IL3RA: variants seen among roughly 807,000 people sequenced by gnomAD.
IL3RA encodes the protein interleukin 3 receptor subunit alpha, also known as interleukin-3 receptor subunit alpha.
IL3RA carries 73 observed loss-of-function variants against 52.3 expected under a neutral mutation model. The observed-to-expected ratio is 1.40, with a 90% confidence interval of 1.16 to 1.70. IL3RA has a LOEUF of 1.70. IL3RA is among the 40% of genes most tolerant of loss of function. The probability of loss-of-function intolerance (pLI) is 0.00; values close to 1 mark genes in which losing one functional copy is unlikely to be tolerated. For missense variants in IL3RA, 664 were observed against 504.4 expected (o/e 1.32, Z -3.03); for synonymous variants, 260 against 194.0 (o/e 1.34, Z -2.83).
At chrX:1,358,760 T>C (rs2086928239) in intron 7 of IL3RA, 101 bp from the exon 8 acceptor site, 1 of 1,312,638 alleles carries the variant, frequency 7.6e-7, no homozygotes, top group Non-Finnish European at 1.1e-6. Context: ...GAGCCCTCAC[T>C]GTTTTGCTGG....
In IL3RA at chrX:1,353,951, CCCCATCATGGGTCGTGGGACCCCCA is replaced by C. The variant is rs1276838053; in HGVS notation, c.616+1449_616+1473del. ...CCATCATGGGTCATGGGACCCCCCC[CCCCATCATGGGTCGTGGGACCCCCA>C]CCCCCATCATGGGTCATGGGAGCCC... is the stretch of plus-strand genomic sequence containing the variant. On this transcript the variant is annotated intron_variant, in intron 6 of 11. Transcript: ENST00000331035. 2.5e-3 allele frequency among the ~76,000 whole-genome samples: 184 copies of C among 74,648 alleles called. 18 individuals carry two copies. Among genetic ancestry groups the C allele is most frequent in the African/African-American group, 5.5e-3 (103 of 18,748 alleles). 49.0% of individuals were successfully genotyped at this position (74,648 alleles called of 152,430 possible). A position where few individuals can be genotyped will look rare whatever the true frequency, so the allele number is the denominator to read the frequency against.
chrX:1,348,453 A>G lies in IL3RA; in HGVS notation c.206A>G (p.Gln69Arg), dbSNP rs1178079264. Residue 69 changes from glutamine to arginine, a missense_variant, in exon 4 of 12, where the codon CAG (glutamine) becomes CGG (arginine). Physicochemically the swap from Gln to Arg is conservative, Grantham distance 43. Transcript: ENST00000331035. The part of the protein sequence containing the change: ...SMPAVNNSYC[Q>R]FGAISLCEVT... ...TAGGCAGTGAACAATAGCTATTGCCAGTTTGGAGCAATTTCCTTATGTGAA... is the reference window on the plus strand; with the variant it reads ...TAGGCAGTGAACAATAGCTATTGCCGGTTTGGAGCAATTTCCTTATGTGAA... The G allele has an allele frequency of 2.5e-6, 4 of 1,613,676 alleles. No individual in the cohort carries two copies. In the African/African-American group the frequency reaches 4.0e-5, roughly 16 times the overall value.
At chrX:1,354,295 G>A (rs1160908039) in intron 6 of IL3RA, among the ~76,000 whole-genome samples, 1 of 152,106 alleles carries the variant, frequency 6.6e-6, no homozygotes, top group African/African-American at 2.4e-5. Flanking sequence ...ATTTGGGACA[G>A]AAGGACACAC....
chrX:1,357,527 T>C (rs1266734630), intron 7 of IL3RA, among the ~76,000 whole-genome samples: 2 of 150,084 alleles, frequency 1.3e-5, no homozygotes, highest in Non-Finnish European at 3.0e-5. Context: ...GCCTGGCTAA[T>C]TTTTTTTTGT....
At chrX:1,381,151 C>T in intron 11 of IL3RA, 47 bp downstream of exon 11, 2 of 1,581,846 alleles carry the variant, frequency 1.3e-6, no homozygotes, top group African/African-American at 1.3e-5. Context: ...GCGTGGTGGC[C>T]ACTTTGGGAG....
chrX:1,349,219 T>TTG (rs1401372248), intron 4 of IL3RA, among the ~76,000 whole-genome samples: 3 of 150,596 alleles, frequency 2.0e-5, no homozygotes, highest in Non-Finnish European at 4.4e-5. Flanking sequence ...TCTCACTCTG[T>TTG]CCACCAGGCT....
At chrX:1,357,251 G>T (rs1369438134) in intron 7 of IL3RA, among the ~76,000 whole-genome samples, 5 of 151,992 alleles carry the variant, frequency 3.3e-5, no homozygotes, top group African/African-American at 9.7e-5. Flanking sequence ...TTCGTGCGCA[G>T]CCTATGTGTT....
rs371072339 is a variant in IL3RA at position 1,378,623 on chromosome X, C to T, written c.875-36C>T. 1.6e-4 allele frequency: 253 copies of T among 1,564,012 alleles called. No individual in the cohort carries two copies. The African/African-American group carries it at 3.0e-3, about 19-fold the overall frequency. On this transcript the variant is annotated intron_variant, in intron 9 of 11. Transcript: ENST00000331035. ...ACAGTCCCTGGTCCCCCCAGGACGGCCCCCGGTCTGTGACCCTCTCACCCT... is the reference window on the plus strand; with the variant it reads ...ACAGTCCCTGGTCCCCCCAGGACGGTCCCCGGTCTGTGACCCTCTCACCCT...
chrX:1,344,819 G>A (rs2085659959), intron 2 of IL3RA, among the ~76,000 whole-genome samples: 1 of 151,210 alleles, frequency 6.6e-6, no homozygotes, highest in African/African-American at 2.4e-5. Context: ...ACCTCCCAAA[G>A]GTATTGGCTA....
rs764556031 is a variant in IL3RA at position 1,356,242 on chromosome X, T to G, written c.638T>G (p.Met213Arg). The change falls in exon 7 of 12, where the codon ATG (methionine) becomes AGG (arginine). Residue 213 changes from methionine (M) to arginine (R), a missense_variant. Physicochemically the swap from Met to Arg is moderately conservative, Grantham distance 91. Transcript: ENST00000331035. Reference protein sequence around the residue: ...SQIEILTPPNMTAKCNKTHSF... With the variant: ...SQIEILTPPNRTAKCNKTHSF... ...CTAGAGATATTAACTCCACCCAACA[T>G]GACTGCAAAGTGTAATAAGACACAT... The G allele has an allele frequency of 5.0e-6, 8 of 1,612,190 alleles. No homozygotes were observed. Among genetic ancestry groups the G allele is most frequent in the Non-Finnish European group, 6.8e-6 (8 of 1,178,598 alleles).
At chrX:1,352,565 C>T in intron 6 of IL3RA, 59 bp downstream of exon 6, 1 of 1,551,340 alleles carries the variant, frequency 6.4e-7, no homozygotes, top group Non-Finnish European at 8.8e-7. Flanking sequence ...GGCTTTAGCG[C>T]CAGGCCAGAT....
At chrX:1,347,523 G>T (rs2085803194) in intron 3 of IL3RA, among the ~76,000 whole-genome samples, 1 of 150,944 alleles carries the variant, frequency 6.6e-6, no homozygotes, top group Non-Finnish European at 1.5e-5. Context: ...CGGTGGTGAG[G>T]CAGGAGAATT....
chrX:1,354,254 C>T lies in IL3RA; in HGVS notation c.616+1748C>T, dbSNP rs1266577644. Reference sequence around the variant, plus strand: ...CCAAAGACCCCACCTTCTAACACCGCCCAACCAGGGGTTAGAGCTTCAGTG... The same window carrying T: ...CCAAAGACCCCACCTTCTAACACCGTCCAACCAGGGGTTAGAGCTTCAGTG... On this transcript the variant is annotated intron_variant, in intron 6 of 11. Transcript: ENST00000331035. Among the ~76,000 whole-genome samples, 4 of 152,274 alleles carry T rather than the reference C, an allele frequency of 2.6e-5. No homozygotes were observed. In the East Asian group the frequency reaches 7.7e-4, roughly 29 times the overall value.
chrX:1,363,346 G>T (rs2087620212), intron 8 of IL3RA, among the ~76,000 whole-genome samples: 1 of 148,212 alleles, frequency 6.7e-6, no homozygotes, highest in Non-Finnish European at 1.5e-5. Context: ...TGTCACCCAG[G>T]CTGGAGTGCA....
intron 11 of IL3RA, 106 bp downstream of exon 11, chrX:1,381,210 C>A: frequency 3.2e-6 from 3 of 949,724 alleles, no homozygotes; most frequent in Admixed American, 1.9e-5. Flanking sequence ...ACCAGCCTGG[C>A]CAACATGGAG....
chrX:1,357,200 C>T (rs6645251), intron 7 of IL3RA, among the ~76,000 whole-genome samples: 9 of 152,084 alleles, frequency 5.9e-5, no homozygotes, highest in Non-Finnish European at 1.0e-4. Flanking sequence ...GTGATCCACC[C>T]GCCTCGGCCT....
At chrX:1,344,929 G>T (rs2085666537) in intron 2 of IL3RA, among the ~76,000 whole-genome samples, 1 of 150,806 alleles carries the variant, frequency 6.6e-6, no homozygotes, top group African/African-American at 2.4e-5. Flanking sequence ...TTGGGAGGCT[G>T]AGGCGGACGA....
chrX:1,360,923 C>T (rs1439739492), intron 8 of IL3RA, among the ~76,000 whole-genome samples: 6 of 120,748 alleles, frequency 5.0e-5, no homozygotes, highest in African/African-American at 1.1e-4. Flanking sequence ...CTCCCTTCCC[C>T]TCTCTGTCTC....
rs1283749197 is a variant in IL3RA, at chrX:1,348,420, G to A, written c.184-11G>A. 2.5e-6 allele frequency: 4 copies of A among 1,588,906 alleles called. No individual in the cohort carries two copies. The African/African-American group carries it at 4.0e-5, about 16-fold the overall frequency. ...CTGTCAGCAGCCATCATAGTCCTAT[G>A]TCTCTCTTAGGCAGTGAACAATAGC... On this transcript the variant is annotated splice_polypyrimidine_tract_variant and intron_variant, in intron 3 of 11. Transcript: ENST00000331035.
Sources: gnomAD v4.1 joint callset for allele counts (sites outside exome capture counted in the v4.1 genomes callset) on GRCh38, gnomAD v4.1.1 for gene constraint, MANE v1.5 for transcripts, NCBI Gene and HGNC (gene_info 2026-07-23, HGNC 2026-07-21) for gene names.